RFX1: variants seen among roughly 807,000 people sequenced by gnomAD.
RFX1 encodes regulatory factor X1.
Under a neutral mutation model 119.6 loss-of-function variants are expected in RFX1, and 42 were observed. The ratio of observed to expected loss-of-function variants is 0.35; its 90% CI spans 0.27 to 0.45. RFX1 has a LOEUF of 0.45. Among genes scored for constraint, RFX1 ranks in the 20% least tolerant of loss-of-function variants. RFX1 has a pLI of 1.00. For missense variants in RFX1, 1,118 were observed against 1,368.1 expected (o/e 0.82, Z 2.88); for synonymous variants, 628 against 618.5 (o/e 1.02, Z -0.23).
chr19:13,992,596 C>T (rs917423801), intron 2 of RFX1, among the ~76,000 whole-genome samples: 2 of 152,210 alleles, frequency 1.3e-5, no homozygotes, highest in African/African-American at 4.8e-5. Flanking sequence ...CAGGCCCTCA[C>T]CCCCAGCTGA....
At position 13,965,230 on chromosome 19, in the gene RFX1, C is replaced by T. The variant is rs1973854580; in HGVS notation, c.2211+219G>A. On this transcript the variant is annotated intron_variant, in intron 16 of 20. Transcript: ENST00000254325. This position sits in a 1 kb window ranked among gnomAD's most constrained non-coding sequence, Gnocchi z 4.7. ...AAAGATGCTGTGTTGAGTACAGTAA[C>T]ACCACAAAGGGGGTTGCATTTCAGA... Among the ~76,000 whole-genome samples the T allele has an allele frequency of 6.6e-6, 1 of 152,188 alleles. No individual in the cohort carries two copies. The highest frequency in any genetic ancestry group is 2.4e-5 in the African/African-American group (1 of 41,446).
At chr19:13,977,563 C>T (rs1974286942) in intron 8 of RFX1, among the ~76,000 whole-genome samples, 1 of 151,898 alleles carries the variant, frequency 6.6e-6, no homozygotes, top group Non-Finnish European at 1.5e-5. Context: ...ATTACAGGTG[C>T]CTGCCACCAC....
At position 13,984,461 on chromosome 19, in the gene RFX1, GGTAC is replaced by G. The variant is rs541641116; in HGVS notation, c.320-870_320-867del. 2.0e-5 allele frequency among the ~76,000 whole-genome samples: 3 copies of G among 152,286 alleles called. No individual in the cohort carries two copies. In the South Asian group the frequency reaches 6.2e-4, roughly 32 times the overall value. On this transcript the variant is annotated intron_variant, in intron 2 of 20. Transcript: ENST00000254325. ...GCGCTGCGGGGTGAGGAGGGAGGTT[GGTAC>G]CCGGAGATGCTATCAGGCAGGCACA...
At chr19:13,982,849 G>T (rs557205862) in intron 4 of RFX1, among the ~76,000 whole-genome samples, 1 of 152,284 alleles carries the variant, frequency 6.6e-6, no homozygotes, top group African/African-American at 2.4e-5. Context: ...CAGCCTTCTG[G>T]GGGACAGACC....
intron 4 of RFX1, 181 bp downstream of exon 4, chr19:13,982,996 CTGTCCCTGAT>C (rs1003881074): frequency 1.7e-6 from 1 of 578,578 alleles, no homozygotes; most frequent in Non-Finnish European, 3.1e-6. Context: ...TGCAGCTCCT[CTGTCCCTGAT>C]GGCCCCTGCC....
intron 1 of RFX1, among the ~76,000 whole-genome samples, chr19:13,997,004 G>A (rs1160424745): frequency 1.3e-5 from 2 of 152,148 alleles, no homozygotes; most frequent in Admixed American, 1.3e-4. Flanking sequence ...GATTACAGGC[G>A]TGAGCCACCG....
At chr19:13,987,398 T>C (rs60923197) in intron 2 of RFX1, among the ~76,000 whole-genome samples, 6,076 of 152,126 alleles carry the variant, frequency 0.04, 417 homozygotes, top group African/African-American at 0.13. Flanking sequence ...TGTCGGCTGG[T>C]GTCCAGCCCC....
rs1974555167 is a variant in RFX1 at position 13,985,239 on chromosome 19, G to A, written c.320-1644C>T. On this transcript the variant is annotated intron_variant, in intron 2 of 20. Transcript: ENST00000254325. The surrounding 1 kb of genome is among the most constrained non-coding windows in gnomAD (Gnocchi z 4.3). The stretch of plus-strand genomic sequence containing the variant: ...GTTGCCCAGGCTGGAGTGCAGTGGC[G>A]CAATCTCTGCTCACTGAAATCTCCG... Among the ~76,000 whole-genome samples, 1 of 150,436 alleles carries A rather than the reference G, an allele frequency of 6.6e-6. No homozygotes were observed. The highest frequency in any genetic ancestry group is 6.7e-5 in the Admixed American group (1 of 15,008).
chr19:13,987,836 G>T (rs1001483955), intron 2 of RFX1, among the ~76,000 whole-genome samples: 4 of 152,172 alleles, frequency 2.6e-5, no homozygotes, highest in African/African-American at 9.7e-5. Context: ...GTGAGCCCCA[G>T]AGAGTTCTGT....
At position 13,965,364 on chromosome 19, in the gene RFX1, G is replaced by T; in HGVS notation, c.2211+85C>A. The T allele has an allele frequency of 8.1e-7, 1 of 1,240,976 alleles. No homozygotes were observed. The highest frequency in any genetic ancestry group is 1.2e-6 in the Non-Finnish European group (1 of 859,324). The allele number at this position is 1,240,976 out of a possible 1,614,324, so 76.9% of individuals were successfully genotyped here. ...GCATCATCCCTGGAACAGGCGTGGGGACAAATTTTACCGCCCCTGGGGAGC... is the reference window on the plus strand; with the variant it reads ...GCATCATCCCTGGAACAGGCGTGGGTACAAATTTTACCGCCCCTGGGGAGC... On this transcript the variant is annotated intron_variant, in intron 16 of 20. Transcript: ENST00000254325. This position sits in a 1 kb window ranked among gnomAD's most constrained non-coding sequence, Gnocchi z 4.7.
chr19:13,963,461 TAGA>T, intron 18 of RFX1, 74 bp downstream of exon 18: 3 of 1,477,118 alleles, frequency 2.0e-6, no homozygotes, highest in Middle Eastern at 2.1e-4. Flanking sequence ...CGGGTCGTCG[TAGA>T]AGAGCACCTG....
intron 1 of RFX1, among the ~76,000 whole-genome samples, chr19:14,004,078 T>A (rs1378111562): frequency 6.6e-6 from 1 of 152,144 alleles, no homozygotes; most frequent in Non-Finnish European, 1.5e-5. Context: ...CTGGCTAATT[T>A]TTTTAGAAAC....
chr19:13,984,509 T>A (rs779948933), intron 2 of RFX1, among the ~76,000 whole-genome samples: 2 of 152,098 alleles, frequency 1.3e-5, no homozygotes, highest in African/African-American at 4.8e-5. Context: ...TTCATGCACA[T>A]CTTGCTGAGT....
In RFX1 at chr19:14,002,487, C is replaced by CA. The variant is rs978346911; in HGVS notation, c.-53+3615dup. On this transcript the variant is annotated intron_variant, in intron 1 of 20. Transcript: ENST00000254325. Reference sequence around the variant, plus strand: ...GCGACAGAGTAGGACTCTGTCTCAACAAAAAAAAGAAAGAAAGAAAGAAAA... The same window carrying CA: ...GCGACAGAGTAGGACTCTGTCTCAACAAAAAAAAAGAAAGAAAGAAAGAAAA... 2.6e-3 allele frequency among the ~76,000 whole-genome samples: 393 copies of CA among 150,324 alleles called. 2 individuals carry two copies. Among genetic ancestry groups the CA allele is most frequent in the African/African-American group, 9.0e-3 (370 of 40,898 alleles).
Position 13,965,752 on chromosome 19 carries a change from G to A in RFX1, c.1987C>T (p.Pro663Ser). The A allele has an allele frequency of 1.2e-6, 2 of 1,613,820 alleles. No individual in the cohort carries two copies. Among genetic ancestry groups the A allele is most frequent in the Non-Finnish European group, 1.7e-6 (2 of 1,179,968 alleles). Residue 663 changes from proline (P) to serine (S), a missense_variant, in exon 15 of 21, where the codon CCC becomes TCC. By Grantham distance (74) the Pro-to-Ser change is moderately conservative. Coordinates refer to ENST00000254325, the MANE Select transcript of RFX1 (RefSeq NM_002918.5). This position sits in a 1 kb window ranked among gnomAD's most constrained non-coding sequence, Gnocchi z 4.7. ...AVHDEAEKRL[P>S]KAILVLLSKF... ...GAGAGGAGCACCAGGATGGCTTTGG[G>A]CAGTCGCTTCTCGGCCTCGTCATGT...
intron 20 of RFX1, 64 bp downstream of exon 20, chr19:13,962,930 C>T (rs1471180423): frequency 1.3e-6 from 2 of 1,546,090 alleles, no homozygotes; most frequent in Non-Finnish European, 1.7e-6. Flanking sequence ...CTCCTCCTCC[C>T]GAGCCCCTCC....
chr19:13,970,336 C>T (rs1974039803), intron 9 of RFX1, among the ~76,000 whole-genome samples, 161 bp from the exon 10 acceptor site: 2 of 149,722 alleles, frequency 1.3e-5, no homozygotes, highest in African/African-American at 2.6e-5. Context: ...AACTATGTCC[C>T]ACAGAACTCT....
At chr19:13,999,501 G>A (rs913438864) in intron 1 of RFX1, among the ~76,000 whole-genome samples, 4 of 152,154 alleles carry the variant, frequency 2.6e-5, no homozygotes, top group Non-Finnish European at 4.4e-5. Flanking sequence ...GGCTGTGTGC[G>A]AATAAAACTT....
At chr19:13,963,775 G>A (rs764972009) in intron 17 of RFX1, 29 bp from the exon 18 acceptor site, 41 of 1,515,848 alleles carry the variant, frequency 2.7e-5, no homozygotes, top group African/African-American at 8.4e-5. Context: ...GCGGGCGCCC[G>A]GGGCTCAGCC....
Sources: gnomAD v4.1 joint callset for allele counts (sites outside exome capture counted in the v4.1 genomes callset) on GRCh38, gnomAD v4.1.1 for gene constraint, Gnocchi (gnomAD v3.1) non-coding constraint, MANE v1.5 for transcripts, NCBI Gene and HGNC (gene_info 2026-07-23, HGNC 2026-07-21) for gene names.